Variants in SIPA1L1 observed in about 807,000 individuals in gnomAD.
The protein encoded by SIPA1L1 is signal-induced proliferation-associated 1-like protein 1.
Under a neutral mutation model 162.7 loss-of-function variants are expected in SIPA1L1, and 26 were observed. The ratio of observed to expected loss-of-function variants is 0.16; its 90% confidence interval spans 0.12 to 0.22. The LOEUF is 0.22. Among genes scored for constraint, SIPA1L1 ranks in the 10% least tolerant of loss-of-function variants. The pLI, the probability that SIPA1L1 is intolerant of heterozygous loss-of-function variation, is 1.00. For missense variants in SIPA1L1, 1,874 were observed against 2,241.0 expected (o/e 0.84, Z 3.31); for synonymous variants, 829 against 837.4 (o/e 0.99, Z 0.17).
At chr14:71,648,597 A>G (rs759439686) in intron 7 of SIPA1L1, among the ~76,000 whole-genome samples, 2 of 152,224 alleles carry the variant, frequency 1.3e-5, no homozygotes, top group Non-Finnish European at 2.9e-5. Flanking sequence ...TGTATGACCC[A>G]TATAGTAATA....
chr14:71,587,219 C>T (rs920043457), intron 4 of SIPA1L1, among the ~76,000 whole-genome samples: 1 of 152,102 alleles, frequency 6.6e-6, no homozygotes, highest in African/African-American at 2.4e-5. Context: ...CACAGTAGCT[C>T]ATGATGTTCT....
intron 2 of SIPA1L1, among the ~76,000 whole-genome samples, chr14:71,505,407 GCT>G (rs574835165): frequency 2.0e-5 from 3 of 148,186 alleles, no homozygotes; most frequent in Non-Finnish European, 3.0e-5. Flanking sequence ...GGATCTCACA[GCT>G]CTCTCTTTCT....
chr14:71,533,585 C>G (rs895894395), intron 4 of SIPA1L1, among the ~76,000 whole-genome samples: 4 of 152,188 alleles, frequency 2.6e-5, no homozygotes, highest in African/African-American at 9.7e-5. Context: ...AGCCACAGAT[C>G]ACTATGTAAT....
At chr14:71,724,071 C>A (rs1446561627) in intron 18 of SIPA1L1, among the ~76,000 whole-genome samples, 185 bp downstream of exon 18, 1 of 152,104 alleles carries the variant, frequency 6.6e-6, no homozygotes, top group African/African-American at 2.4e-5. Flanking sequence ...CTGCCTCATT[C>A]CTTAAATAAG....
At chr14:71,462,398 C>T (rs937194071) in intron 2 of SIPA1L1, among the ~76,000 whole-genome samples, 1 of 152,172 alleles carries the variant, frequency 6.6e-6, no homozygotes, top group Non-Finnish European at 1.5e-5. Flanking sequence ...GTTGCAGAGC[C>T]TTCTCCTGTT....
chr14:71,373,020 A>G lies in SIPA1L1; in HGVS notation c.-465+51839A>G, dbSNP rs146191414. ...ATCTAAAGGAATGGGTTGAAATGTT[A>G]CCAGTGTTGGGCTGGGTGCAGTGGC... On this transcript the variant is annotated intron_variant, in intron 2 of 23. Transcript: ENST00000381232. Among the ~76,000 whole-genome samples the G allele has an allele frequency of 3.5e-3, 528 of 152,298 alleles. 5 individuals are homozygous for G. The highest frequency in any genetic ancestry group is 0.012 in the African/African-American group (504 of 41,554).
At chr14:71,356,567 C>CCAAAAAAAAAAA (rs777415215) in intron 2 of SIPA1L1, among the ~76,000 whole-genome samples, 13 of 39,162 alleles carry the variant, frequency 3.3e-4, no homozygotes, top group African/African-American at 1.4e-3. Flanking sequence ...CTTGTCTCTA[C>CCAAAAAAAAAAA]AAAAAAAAAA....
chr14:71,633,789 A>G (rs772422755), intron 7 of SIPA1L1, among the ~76,000 whole-genome samples: 16 of 152,238 alleles, frequency 1.1e-4, no homozygotes, highest in Non-Finnish European at 1.6e-4. Flanking sequence ...AATCTGAGCA[A>G]CAAAGAGTAG....
chr14:71,514,610 T>C (rs1004440213), intron 3 of SIPA1L1, among the ~76,000 whole-genome samples: 1 of 152,170 alleles, frequency 6.6e-6, no homozygotes, highest in Admixed American at 6.5e-5. Context: ...TGCCTAACTT[T>C]CCTGGGAGTG....
At chr14:71,723,517 G>T in intron 17 of SIPA1L1, 130 bp from the exon 18 acceptor site, 1 of 964,980 alleles carries the variant, frequency 1.0e-6, no homozygotes, top group Non-Finnish European at 1.5e-6. Flanking sequence ...GGCCAGCCAG[G>T]CATCGCTGTT....
At chr14:71,658,618 A>G (rs1004518537) in intron 9 of SIPA1L1, among the ~76,000 whole-genome samples, 182 bp downstream of exon 9, 13 of 152,212 alleles carry the variant, frequency 8.5e-5, no homozygotes, top group African/African-American at 2.9e-4. Context: ...AAGAGACACA[A>G]ATTTTAGGTT....
chr14:71,672,313 C>T, intron 11 of SIPA1L1, 35 bp from the exon 12 acceptor site: 1 of 1,608,784 alleles, frequency 6.2e-7, no homozygotes, highest in South Asian at 1.1e-5. Flanking sequence ...TACCCTATTG[C>T]TTTAAACCAC....
At position 71,494,951 on chromosome 14, in the gene SIPA1L1, G is replaced by C. The variant is rs1422258108; in HGVS notation, c.-464-17792G>C. 2.6e-5 allele frequency among the ~76,000 whole-genome samples: 4 copies of C among 151,986 alleles called. No homozygotes were observed. The East Asian group carries it at 7.7e-4, about 29-fold the overall frequency. ...ACTGCGCCTGGCTCAGGCTGATCTT[G>C]AACTCTCGGGCTCAGTTGATCCTCC... is the stretch of plus-strand genomic sequence containing the variant. On this transcript the variant is annotated intron_variant, in intron 2 of 23. Transcript: ENST00000381232.
chr14:71,590,764 A>G (rs1246165746), intron 5 of SIPA1L1, among the ~76,000 whole-genome samples: 1 of 152,188 alleles, frequency 6.6e-6, no homozygotes, highest in Non-Finnish European at 1.5e-5. Flanking sequence ...TTTAAGGTAC[A>G]AGGTTTCTCA....
At chr14:71,343,128 C>T (rs146814160) in intron 2 of SIPA1L1, among the ~76,000 whole-genome samples, 345 of 152,276 alleles carry the variant, frequency 2.3e-3, no homozygotes, top group Middle Eastern at 3.4e-3. Context: ...CTTGACTTCA[C>T]GTTACAGACT....
At chr14:71,616,924 T>C (rs1290764880) in intron 5 of SIPA1L1, among the ~76,000 whole-genome samples, 1 of 152,072 alleles carries the variant, frequency 6.6e-6, no homozygotes, top group African/African-American at 2.4e-5. Context: ...ACCTGCCCAT[T>C]GTGAGATATG....
intron 2 of SIPA1L1, among the ~76,000 whole-genome samples, chr14:71,329,146 A>G (rs940913268): frequency 1.3e-5 from 2 of 152,244 alleles, no homozygotes; most frequent in African/African-American, 4.8e-5. Context: ...TCGTATGGGT[A>G]TACCACATTT....
At chr14:71,323,450 C>T (rs940435314) in intron 2 of SIPA1L1, among the ~76,000 whole-genome samples, 4 of 152,228 alleles carry the variant, frequency 2.6e-5, no homozygotes, top group Middle Eastern at 3.4e-3. Context: ...TCAGTCCTTA[C>T]CGTTGTATTA....
intron 17 of SIPA1L1, among the ~76,000 whole-genome samples, chr14:71,721,370 T>G (rs1376582281): frequency 6.6e-6 from 1 of 152,212 alleles, no homozygotes. Context: ...CAGCTGGCAC[T>G]GCACAGGGTC....
Sources: gnomAD v4.1 joint callset for allele counts (sites outside exome capture counted in the v4.1 genomes callset) on GRCh38, gnomAD v4.1.1 for gene constraint, MANE v1.5 for transcripts, NCBI Gene and HGNC (gene_info 2026-07-23, HGNC 2026-07-21) for gene names.